ARMC9: variants seen among roughly 807,000 people sequenced by gnomAD.
The protein encoded by ARMC9 is lisH domain-containing protein ARMC9.
A neutral mutation model predicts 107.0 loss-of-function variants in ARMC9; 94 were observed. The observed-to-expected ratio is 0.88, with a 90% CI of 0.74 to 1.04. The LOEUF is 1.04. Among genes scored for constraint, ARMC9 ranks in the 50% least tolerant of loss-of-function variants. The pLI is 0.00. For synonymous variants in ARMC9, 380 were observed against 396.9 expected (o/e 0.96, Z 0.51); for missense variants, 942 against 1,030.1 (o/e 0.91, Z 1.17).
In ARMC9 at chr2:231,214,897, A is replaced by T. The variant is rs758536951; in HGVS notation, c.244A>T (p.Ile82Phe). ...KVFFDLWEEH[I>F]SSSIRDGDSF... Reference sequence around the variant, plus strand: ...GTTCTTCGATCTGTGGGAGGAGCACATTTCAAGTTCCATCCGAGATGGGGA... The same window carrying T: ...GTTCTTCGATCTGTGGGAGGAGCACTTTTCAAGTTCCATCCGAGATGGGGA... Residue 82 changes from isoleucine to phenylalanine, a missense_variant, in exon 4 of 25, where the codon ATT (isoleucine) becomes TTT (phenylalanine). Transcript: ENST00000611582. The T allele has an allele frequency of 5.0e-6, 8 of 1,614,014 alleles. No individual in the cohort carries two copies. The Admixed American group carries it at 6.7e-5, about 13-fold the overall frequency.
intron 3 of ARMC9, among the ~76,000 whole-genome samples, chr2:231,214,104 C>T (rs2033218406): frequency 6.6e-6 from 1 of 152,222 alleles, no homozygotes; most frequent in Non-Finnish European, 1.5e-5. Flanking sequence ...ATTCTTTGAA[C>T]TAGTGCATGC....
At chr2:231,239,875 CA>C in intron 8 of ARMC9, 67 bp from the exon 9 acceptor site, 2 of 1,341,448 alleles carry the variant, frequency 1.5e-6, no homozygotes, top group South Asian at 2.4e-5. Context: ...TAACAATTGC[CA>C]GCGTGCCTCA....
intron 9 of ARMC9, among the ~76,000 whole-genome samples, chr2:231,245,622 G>A (rs892884998): frequency 1.3e-5 from 2 of 152,104 alleles, no homozygotes; most frequent in Admixed American, 6.5e-5. Flanking sequence ...TTTCATATGC[G>A]TCCTTCTAGA....
At chr2:231,268,205 A>G (rs2125425801) in intron 12 of ARMC9, among the ~76,000 whole-genome samples, 1 of 152,276 alleles carries the variant, frequency 6.6e-6, no homozygotes, top group East Asian at 1.9e-4. Context: ...TTGGTTTGGA[A>G]TGGGGTTCTG....
At chr2:231,283,092 G>T (rs1187937012) in intron 17 of ARMC9, among the ~76,000 whole-genome samples, 2 of 152,116 alleles carry the variant, frequency 1.3e-5, no homozygotes, top group African/African-American at 4.8e-5. Context: ...TGAGGATGGG[G>T]CCATGTGAGG....
chr2:231,248,009 G>A (rs572967284), intron 9 of ARMC9, among the ~76,000 whole-genome samples: 1 of 152,274 alleles, frequency 6.6e-6, no homozygotes, highest in Non-Finnish European at 1.5e-5. Flanking sequence ...GACCTTTCTC[G>A]AGCTCCAAAC....
intron 19 of ARMC9, among the ~76,000 whole-genome samples, chr2:231,296,704 A>G (rs1397508737): frequency 6.6e-6 from 1 of 152,148 alleles, no homozygotes; most frequent in Admixed American, 6.6e-5. Context: ...TGTTATTTGC[A>G]TTCTTTTGAC....
In ARMC9 at chr2:231,297,783, A is replaced by G. The variant is rs1212227563; in HGVS notation, c.1773+1530A>G. On this transcript the variant is annotated intron_variant, in intron 19 of 24. Coordinates refer to ENST00000611582, the MANE Select transcript of ARMC9 (RefSeq NM_001352754.2). This position sits in a 1 kb window ranked among gnomAD's most constrained non-coding sequence, Gnocchi z 4.2. ...TCACCACCTTTGTGCCTGGCCCTTC[A>G]ATATCATTCTAAATGATAGTTTAAA... 3.3e-5 allele frequency among the ~76,000 whole-genome samples: 5 copies of G among 152,148 alleles called. No individual in the cohort carries two copies. The highest frequency in any genetic ancestry group is 5.9e-5 in the Non-Finnish European group (4 of 68,020).
At chr2:231,296,586 TG>T (rs2125484029) in intron 19 of ARMC9, among the ~76,000 whole-genome samples, 1 of 152,374 alleles carries the variant, frequency 6.6e-6, no homozygotes, top group South Asian at 2.1e-4. Context: ...AGCCTCGGCC[TG>T]TCTTCCTCAC....
Position 231,291,481 on chromosome 2 carries a change from A to G in ARMC9, c.1717+38A>G, listed in dbSNP as rs2040988388. ...CAAGAATCTTTGATCTATCTTTTGA[A>G]TTATTCACATTTGCCAGAAAGACAC... On this transcript the variant is annotated intron_variant, in intron 18 of 24. Transcript: ENST00000611582. The G allele has an allele frequency of 3.2e-6, 5 of 1,582,448 alleles. No homozygotes were observed. In the South Asian group the frequency reaches 4.4e-5, roughly 14 times the overall value.
intron 23 of ARMC9, among the ~76,000 whole-genome samples, chr2:231,366,571 G>A (rs374956870): frequency 4.6e-5 from 7 of 151,944 alleles, no homozygotes; most frequent in Admixed American, 1.3e-4. Flanking sequence ...GGCCAGCTGC[G>A]GTGGCTCACG....
At chr2:231,231,012 C>G (rs1362743223) in intron 7 of ARMC9, among the ~76,000 whole-genome samples, 3 of 152,180 alleles carry the variant, frequency 2.0e-5, no homozygotes, top group African/African-American at 7.2e-5. Context: ...GCCTTTTATC[C>G]CGGAGATGTG....
intron 23 of ARMC9, among the ~76,000 whole-genome samples, chr2:231,363,630 T>C (rs1005124961): frequency 4.6e-5 from 7 of 152,164 alleles, no homozygotes; most frequent in Non-Finnish European, 7.4e-5. Context: ...CTCACGCCTG[T>C]AATCCCAGCA....
rs142918113 is a variant in ARMC9, at chr2:231,291,885, T to C, written c.1717+442T>C. ...ACCCATAGACAAAAGTTCAGCCAGGTAGGCTGAGCGTGGTGGTTCACACCT... is the reference window on the plus strand; with the variant it reads ...ACCCATAGACAAAAGTTCAGCCAGGCAGGCTGAGCGTGGTGGTTCACACCT... On this transcript the variant is annotated intron_variant, in intron 18 of 24. Coordinates refer to ENST00000611582, the MANE Select transcript of ARMC9 (RefSeq NM_001352754.2). Among the ~76,000 whole-genome samples the C allele has an allele frequency of 5.2e-3, 786 of 150,562 alleles. 7 individuals are homozygous for C. The highest frequency in any genetic ancestry group is 0.018 in the African/African-American group (741 of 40,864).
In ARMC9 at chr2:231,226,809, T is replaced by C; in HGVS notation, c.622+11T>C. On this transcript the variant is annotated intron_variant, in intron 7 of 24. Coordinates refer to ENST00000611582, the MANE Select transcript of ARMC9 (RefSeq NM_001352754.2). ...GACAAAGTAACAAAGGTAAATCATC[T>C]AGATTTAAATTTGTCTAAGAACAAC... is the stretch of plus-strand genomic sequence containing the variant. The C allele has an allele frequency of 1.2e-6, 2 of 1,612,556 alleles. No homozygotes were observed. The highest frequency in any genetic ancestry group is 8.5e-7 in the Non-Finnish European group (1 of 1,178,558).
intron 12 of ARMC9, among the ~76,000 whole-genome samples, chr2:231,263,140 C>T (rs2038535277): frequency 1.3e-5 from 2 of 152,160 alleles, no homozygotes; most frequent in Admixed American, 6.5e-5. Flanking sequence ...GAGTGTACTA[C>T]ATTTTATTAT....
At chr2:231,329,859 A>C (rs991975145) in intron 19 of ARMC9, among the ~76,000 whole-genome samples, 3 of 152,024 alleles carry the variant, frequency 2.0e-5, no homozygotes, top group Admixed American at 6.6e-5. Context: ...TAGATTCCTT[A>C]TTTCTACATA....
intron 14 of ARMC9, among the ~76,000 whole-genome samples, chr2:231,274,973 G>A (rs1439437911): frequency 1.3e-5 from 2 of 151,650 alleles, no homozygotes; most frequent in Non-Finnish European, 2.9e-5. Context: ...TGATCGCTTT[G>A]GGGAAGTTTT....
intron 23 of ARMC9, among the ~76,000 whole-genome samples, chr2:231,367,382 G>A (rs771288790): frequency 2.6e-5 from 4 of 152,064 alleles, no homozygotes; most frequent in Non-Finnish European, 5.9e-5. Flanking sequence ...GCTTTAAGGC[G>A]CCATATGGAA....
Sources: allele counts gnomAD v4.1 joint callset (sites outside exome capture counted in the v4.1 genomes callset), GRCh38; gene constraint gnomAD v4.1.1; non-coding constraint Gnocchi (gnomAD v3.1); transcripts MANE v1.5; gene names NCBI Gene and HGNC (gene_info 2026-07-23, HGNC 2026-07-21).